Variants in TENT4B observed in about 807,000 individuals in gnomAD.
The protein encoded by TENT4B is terminal nucleotidyltransferase 4B, also known as PAP associated domain containing 5.
Under a neutral mutation model 75.0 loss-of-function variants are expected in TENT4B, and 10 were observed. That is an observed-to-expected ratio of 0.13 (90% confidence interval 0.08 to 0.23). The LOEUF (loss-of-function observed/expected upper bound fraction) is 0.23, where lower values mean the gene tolerates loss of function less well. Ranked by LOEUF, TENT4B falls within the 10% of genes least tolerant of loss-of-function variation. The probability of loss-of-function intolerance (pLI) is 1.00; values close to 1 mark genes in which losing one functional copy is unlikely to be tolerated. For missense variants in TENT4B, 579 were observed against 893.8 expected (o/e 0.65, Z 4.49); for synonymous variants, 350 against 357.7 (o/e 0.98, Z 0.24).
chr16:50,222,535 A>G (rs2031875182), intron 6 of TENT4B, 101 bp downstream of exon 6: 2 of 1,263,084 alleles, frequency 1.6e-6, no homozygotes, highest in Non-Finnish European at 2.2e-6. Flanking sequence ...CTGTAATTGC[A>G]TTGCTTTCCT....
In TENT4B at chr16:50,232,762, ATACTTT is replaced by A; in HGVS notation, c.*3437_*3442del. On this transcript the variant is annotated 3_prime_UTR_variant, in exon 12 of 12. Coordinates refer to ENST00000561678, the MANE Select transcript of TENT4B (RefSeq NM_001365324.3). ...TAGGTATTAGTGGTAGATGTTGCTG[ATACTTT>A]TATTGGTCATGACTACATCTCAGTT... 1.0e-6 allele frequency: 1 copy of A among 985,300 alleles called. No homozygotes were observed. Among genetic ancestry groups the A allele is most frequent in the Non-Finnish European group, 1.2e-6 (1 of 829,834 alleles). The allele number at this position is 985,300 out of a possible 1,614,324, so 61.0% of individuals were successfully genotyped here.
intron 1 of TENT4B, among the ~76,000 whole-genome samples, chr16:50,159,440 A>G (rs577808314): frequency 1.2e-4 from 18 of 151,946 alleles, no homozygotes; most frequent in Non-Finnish European, 2.6e-4. Context: ...GGGTTTCTCC[A>G]TGTTGGTCAG....
At chr16:50,223,430 A>G (rs1000736610) in intron 7 of TENT4B, 43 bp downstream of exon 7, 2 of 1,304,892 alleles carry the variant, frequency 1.5e-6, no homozygotes, top group Admixed American at 4.5e-5. Context: ...AAGAGAGGGC[A>G]CTGTCAGTCA....
chr16:50,194,486 A>T (rs1333168474), intron 1 of TENT4B, among the ~76,000 whole-genome samples: 2 of 151,396 alleles, frequency 1.3e-5, no homozygotes, highest in East Asian at 2.0e-4. Context: ...AAGCGCTGTG[A>T]TTATATGCAT....
intron 1 of TENT4B, among the ~76,000 whole-genome samples, chr16:50,183,113 G>A (rs111907883): frequency 0.048 from 7,247 of 150,538 alleles, 227 homozygotes; most frequent in East Asian, 0.089. Context: ...GCCCAATCTC[G>A]ACTCACCGCA....
chr16:50,229,547 A>G lies in TENT4B; in HGVS notation c.*219A>G, dbSNP rs1567516990. The G allele has an allele frequency of 1.0e-5, 13 of 1,266,252 alleles. No individual in the cohort carries two copies. Among genetic ancestry groups the G allele is most frequent in the Non-Finnish European group, 1.3e-5 (13 of 1,010,152 alleles). 78.4% of individuals were successfully genotyped at this position (1,266,252 alleles called of 1,614,324 possible). On this transcript the variant is annotated 3_prime_UTR_variant, in exon 12 of 12. Coordinates refer to ENST00000561678, the MANE Select transcript of TENT4B (RefSeq NM_001365324.3). ...AAAAAGCAAGCAAAAAAGAGGGAAAAAAAAGGCTGCTTATTTGATAAGTCA... is the reference window on the plus strand; with the variant it reads ...AAAAAGCAAGCAAAAAAGAGGGAAAGAAAAGGCTGCTTATTTGATAAGTCA...
chr16:50,212,317 C>T (rs1567507109), intron 2 of TENT4B, among the ~76,000 whole-genome samples: 1 of 152,118 alleles, frequency 6.6e-6, no homozygotes, highest in Non-Finnish European at 1.5e-5. Context: ...CTTGGCCTCC[C>T]AAAGTGCTAG....
At chr16:50,209,130 G>A (rs1272806457) in intron 1 of TENT4B, among the ~76,000 whole-genome samples, 1 of 152,170 alleles carries the variant, frequency 6.6e-6, no homozygotes, top group Non-Finnish European at 1.5e-5. Context: ...TCGTAAGGGG[G>A]CCTTGAGAGT....
intron 1 of TENT4B, among the ~76,000 whole-genome samples, chr16:50,196,504 ATC>A (rs2030261786): frequency 6.8e-6 from 1 of 146,074 alleles, no homozygotes; most frequent in Non-Finnish European, 1.5e-5. Flanking sequence ...CATCATCATC[ATC>A]ATCATCATCA....
In TENT4B at chr16:50,154,221, C is replaced by T; in HGVS notation, c.600C>T (p.Thr200=). ...GCGGCGGGGTCGTGTACAGCGGGAC[C>T]CCGTGGAAACGGAGGAACTACAACC... ...ADGGGVVYSG[T]PWKRRNYNQG... is the part of the protein sequence containing the mutation. The change falls in exon 1 of 12, where the codon ACC becomes ACT. Residue 200 remains threonine (T), a synonymous_variant. Transcript: ENST00000561678. 6.8e-7 allele frequency: 1 copy of T among 1,469,672 alleles called. No homozygotes were observed. Among genetic ancestry groups the T allele is most frequent in the Non-Finnish European group, 8.9e-7 (1 of 1,118,392 alleles). The allele number at this position is 1,469,672 out of a possible 1,614,324, so 91.0% of individuals were successfully genotyped here. A position where few individuals can be genotyped will look rare whatever the true frequency, so the allele number is the denominator to read the frequency against.
At chr16:50,169,632 G>T (rs2038169322) in intron 1 of TENT4B, among the ~76,000 whole-genome samples, 1 of 152,026 alleles carries the variant, frequency 6.6e-6, no homozygotes, top group African/African-American at 2.4e-5. Context: ...TTGTCTTGAG[G>T]GTTTGCTTCT....
chr16:50,186,801 A>G (rs1195516152), intron 1 of TENT4B, among the ~76,000 whole-genome samples: 1 of 152,068 alleles, frequency 6.6e-6, no homozygotes, highest in Non-Finnish European at 1.5e-5. Flanking sequence ...CAGTGGCACC[A>G]TCTTGCCTGA....
At chr16:50,188,639 AT>A (rs1233487839) in intron 1 of TENT4B, among the ~76,000 whole-genome samples, 1 of 152,236 alleles carries the variant, frequency 6.6e-6, no homozygotes, top group African/African-American at 2.4e-5. Context: ...ATGTCTCAAT[AT>A]TATGAAACAT....
chr16:50,162,010 C>G (rs2038012139), intron 1 of TENT4B, among the ~76,000 whole-genome samples: 1 of 152,166 alleles, frequency 6.6e-6, no homozygotes, highest in Admixed American at 6.5e-5. Context: ...GTTTGCATCT[C>G]TGTAATTTTG....
intron 1 of TENT4B, among the ~76,000 whole-genome samples, chr16:50,195,143 T>C (rs1202812900): frequency 6.6e-6 from 1 of 152,176 alleles, no homozygotes; most frequent in African/African-American, 2.4e-5. Context: ...CCCATAAACA[T>C]TTTTTTAATT....
intron 5 of TENT4B, among the ~76,000 whole-genome samples, chr16:50,219,020 C>T (rs1685872706): frequency 6.6e-6 from 1 of 151,894 alleles, no homozygotes; most frequent in Non-Finnish European, 1.5e-5. Flanking sequence ...GCATTATCAT[C>T]TTGCATAAAT....
intron 1 of TENT4B, among the ~76,000 whole-genome samples, chr16:50,174,197 A>C (rs372218033): frequency 9.9e-5 from 15 of 152,106 alleles, no homozygotes; most frequent in African/African-American, 3.4e-4. Flanking sequence ...TCCTGGGTTC[A>C]AGTGATTCTT....
chr16:50,202,671 G>A lies in TENT4B; in HGVS notation c.639-8652G>A, dbSNP rs926361552. 3.3e-5 allele frequency among the ~76,000 whole-genome samples: 5 copies of A among 152,228 alleles called. No homozygotes were observed. In the South Asian group the frequency reaches 1.0e-3, roughly 32 times the overall value. On this transcript the variant is annotated intron_variant, in intron 1 of 11. Transcript: ENST00000561678. ...TTAGAACTACTCAAGAGTAGTTTGG[G>A]TAATTCAGAAATTTTATTGGAAGGG...
intron 1 of TENT4B, among the ~76,000 whole-genome samples, chr16:50,166,922 G>A (rs1033717583): frequency 6.6e-6 from 1 of 151,698 alleles, no homozygotes; most frequent in East Asian, 1.9e-4. Context: ...GAGCCACTGT[G>A]CCTGGCCTAT....
Sources: allele counts gnomAD v4.1 joint callset (sites outside exome capture counted in the v4.1 genomes callset), GRCh38; gene constraint gnomAD v4.1.1; transcripts MANE v1.5; gene names NCBI Gene and HGNC (gene_info 2026-07-23, HGNC 2026-07-21).